TSPAN1: variants seen among roughly 807,000 people sequenced by gnomAD.
TSPAN1 encodes tetraspanin 1, also known as tetraspanin-1.
Under a neutral mutation model 26.9 loss-of-function variants are expected in TSPAN1, and 23 were observed. The ratio of observed to expected loss-of-function variants is 0.85; its 90% CI spans 0.62 to 1.21. The LOEUF is 1.21. TSPAN1 is among the 50% of genes most tolerant of loss of function. The pLI, the probability that TSPAN1 is intolerant of heterozygous loss-of-function variation, is 0.00. For missense variants in TSPAN1, 283 were observed against 298.4 expected (o/e 0.95, Z 0.38); for synonymous variants, 115 against 114.8 (o/e 1.00, Z -0.01).
chr1:46,186,877 T>C (rs1402136336), downstream of TSPAN1, among the ~76,000 whole-genome samples: 1 of 152,044 alleles, frequency 6.6e-6, no homozygotes, highest in Non-Finnish European at 1.5e-5. Context: ...TTAGCCAGGA[T>C]GGTCTTGATC....
chr1:46,195,268 T>G, the TSPAN1 span, among the ~76,000 whole-genome samples: 22 of 152,206 alleles, frequency 1.4e-4, no homozygotes, highest in Non-Finnish European at 3.1e-4. Flanking sequence ...TCGACTAGCA[T>G]CTTTGCTGTT....
the TSPAN1 span, chr1:46,194,400 C>T: frequency 6.2e-7 from 1 of 1,614,220 alleles, no homozygotes; most frequent in African/African-American, 1.3e-5. Flanking sequence ...GGCACTCTGC[C>T]TCTGAGGGAA....
the TSPAN1 span, chr1:46,194,038 G>A: frequency 1.3e-6 from 2 of 1,559,534 alleles, no homozygotes; most frequent in Non-Finnish European, 1.7e-6. Context: ...GACAGGGAAG[G>A]GATAGAGGAT....
rs1378054793 is a variant in TSPAN1 at position 46,184,526 on chromosome 1, G to GC, written c.265-68_265-67insC. On this transcript the variant is annotated intron_variant, in intron 4 of 8. Transcript: ENST00000372003. Reference sequence around the variant, plus strand: ...GCTTCTGTCTCACTTTTCCGGGGGGGGGATTAGGGCAAGGAGGGCATGAGG... The same window carrying GC: ...GCTTCTGTCTCACTTTTCCGGGGGGGCGGATTAGGGCAAGGAGGGCATGAGG... 9 of 1,605,628 alleles carry GC rather than the reference G, an allele frequency of 5.6e-6. No homozygotes were observed. In the Admixed American group the frequency reaches 8.3e-5, roughly 15 times the overall value.
At chr1:46,195,712 G>A in the TSPAN1 span, 1 of 1,103,562 alleles carries the variant, frequency 9.1e-7, no homozygotes, top group Non-Finnish European at 1.3e-6. Flanking sequence ...TTCCTTCAGA[G>A]AATCTTCCCA....
intron 7 of TSPAN1, 37 bp downstream of exon 7, chr1:46,185,152 T>A (rs543042784): frequency 6.2e-7 from 1 of 1,614,080 alleles, no homozygotes; most frequent in Non-Finnish European, 8.5e-7. Flanking sequence ...ACTGTTTTCA[T>A]GGCCTCAGAG....
chr1:46,189,318 C>T (rs2148161838), downstream of TSPAN1: 2 of 1,613,848 alleles, frequency 1.2e-6, no homozygotes, highest in Non-Finnish European at 1.7e-6. Context: ...TTGGGGGTGG[C>T]TCCAGGAAAA....
At chr1:46,187,269 A>G (rs1489915591), downstream of TSPAN1, among the ~76,000 whole-genome samples, 1 of 152,200 alleles carries the variant, frequency 6.6e-6, no homozygotes, top group Non-Finnish European at 1.5e-5. Context: ...CCTGGCTGAC[A>G]TGGTACTAGT....
the TSPAN1 span, chr1:46,192,340 C>T: frequency 6.2e-7 from 1 of 1,614,188 alleles, no homozygotes; most frequent in Non-Finnish European, 8.5e-7. Context: ...GGCTCAAGCT[C>T]CTCCTTGTAC....
chr1:46,186,942 A>G (rs1021931180), downstream of TSPAN1, among the ~76,000 whole-genome samples: 21 of 151,986 alleles, frequency 1.4e-4, no homozygotes, highest in African/African-American at 5.1e-4. Context: ...GATTACAGGC[A>G]TGAGCCACCG....
chr1:46,195,675 A>T, the TSPAN1 span: 2 of 822,588 alleles, frequency 2.4e-6, no homozygotes, highest in Non-Finnish European at 2.1e-6. Context: ...TACAAATGTT[A>T]AGGCTGAGAT....
At chr1:46,176,165 G>T in intron 1 of TSPAN1, 6 of 1,520,768 alleles carry the variant, frequency 3.9e-6, no homozygotes, top group Non-Finnish European at 5.3e-6. Context: ...ATGAGCCACC[G>T]CACCCAGCCT....
At chr1:46,175,985 G>C in intron 1 of TSPAN1, 1 of 532,680 alleles carries the variant, frequency 1.9e-6, no homozygotes, top group Non-Finnish European at 3.3e-6. Context: ...CAATTCTCCT[G>C]CCTCAGCCTC....
chr1:46,183,957 G>A (rs563001932), intron 3 of TSPAN1: 226 of 578,794 alleles, frequency 3.9e-4, no homozygotes, highest in Non-Finnish European at 6.2e-4. Flanking sequence ...GATATTTCTA[G>A]AACCCCTGAT....
Position 46,184,895 on chromosome 1 carries a change from T to C in TSPAN1, c.438+12T>C. ...CCACCATGAAAGGGGTAAGGTTGGC[T>C]GGGGGAGGTTTTAGGGTGGAGAGAA... is the stretch of plus-strand genomic sequence containing the variant. On this transcript the variant is annotated intron_variant, in intron 6 of 8. Transcript: ENST00000372003. 1 of 1,614,194 alleles carries C rather than the reference T, an allele frequency of 6.2e-7. No homozygotes were observed. The highest frequency in any genetic ancestry group is 1.1e-5 in the South Asian group (1 of 91,086).
rs1031844787 is a variant in TSPAN1, at chr1:46,175,393, C to T, written c.-158C>T. The T allele has an allele frequency of 2.6e-6, 1 of 390,514 alleles. No individual in the cohort carries two copies. Among genetic ancestry groups the T allele is most frequent in the Non-Finnish European group, 4.5e-6 (1 of 221,628 alleles). 24.2% of individuals were successfully genotyped at this position (390,514 alleles called of 1,614,324 possible). ...CTTAAACTATGATCCCTGCTGCGGT[C>T]ACTGAAGCCTTTCCCTGTAAGTATT... On this transcript the variant is annotated 5_prime_UTR_variant, in exon 1 of 9. Coordinates refer to ENST00000372003, the MANE Select transcript of TSPAN1 (RefSeq NM_005727.4).
rs142891982 is a variant in TSPAN1 at position 46,176,139 on chromosome 1, T to G, written c.-142+730T>G. The G allele has an allele frequency of 5.3e-3, 7,681 of 1,451,480 alleles. 353 individuals carry two copies. In the African/African-American group the frequency reaches 0.095, roughly 18 times the overall value. The allele number at this position is 1,451,480 out of a possible 1,614,324, so 89.9% of individuals were successfully genotyped here. ...ATCTGCCCGCCTTGGCCTCCCAAAG[T>G]GCCGGGATTACAGGCATGAGCCACC... On this transcript the variant is annotated intron_variant, in intron 1 of 8. Transcript: ENST00000372003.
chr1:46,188,991 A>G (rs553802144), downstream of TSPAN1: 14 of 1,604,168 alleles, frequency 8.7e-6, no homozygotes, highest in Admixed American at 6.7e-5. Flanking sequence ...CTGGAAAGTG[A>G]GGGTATTCAA....
Position 46,175,966 on chromosome 1 carries a change from G to A in TSPAN1, c.-142+557G>A, listed in dbSNP as rs1276777969. The A allele has an allele frequency of 3.6e-5, 18 of 501,902 alleles. 1 individual carries two copies. The highest frequency in any genetic ancestry group is 1.0e-4 in the Admixed American group (3 of 29,140). The allele number at this position is 501,902 out of a possible 1,614,324, so 31.1% of individuals were successfully genotyped here. A position where few individuals can be genotyped will look rare whatever the true frequency, so the allele number is the denominator to read the frequency against. The stretch of plus-strand genomic sequence containing the variant: ...TGGCTCACTGCAACCTCTGCCTCCC[G>A]GGTTCAAGCAATTCTCCTGCCTCAG... On this transcript the variant is annotated intron_variant, in intron 1 of 8. Coordinates refer to ENST00000372003, the MANE Select transcript of TSPAN1 (RefSeq NM_005727.4).
Sources: gnomAD v4.1 joint callset for allele counts (sites outside exome capture counted in the v4.1 genomes callset) on GRCh38, gnomAD v4.1.1 for gene constraint, MANE v1.5 for transcripts, NCBI Gene and HGNC (gene_info 2026-07-23, HGNC 2026-07-21) for gene names.